Variants in ZKSCAN5 observed in about 807,000 individuals in gnomAD.
ZKSCAN5 encodes the protein zinc finger with KRAB and SCAN domains 5, also known as zinc finger protein with KRAB and SCAN domains 5.
A neutral mutation model predicts 60.0 loss-of-function variants in ZKSCAN5; 28 were observed. The ratio of observed to expected loss-of-function variants is 0.47; its 90% CI spans 0.35 to 0.64. The LOEUF is 0.64. ZKSCAN5 is among the 30% of genes least tolerant of loss of function. The pLI, the probability that ZKSCAN5 is intolerant of heterozygous loss-of-function variation, is 0.01. For missense variants in ZKSCAN5, 881 were observed against 1,034.6 expected (o/e 0.85, Z 2.04); for synonymous variants, 361 against 371.2 (o/e 0.97, Z 0.31).
chr7:99,517,265 C>T (rs7810959), intron 3 of ZKSCAN5, among the ~76,000 whole-genome samples: 6 of 152,156 alleles, frequency 3.9e-5, no homozygotes, highest in South Asian at 2.1e-4. Flanking sequence ...GGTTTCTCCA[C>T]GTTGGTCAGG....
intron 2 of ZKSCAN5, among the ~76,000 whole-genome samples, chr7:99,508,231 G>A (rs552531029): frequency 1.1e-4 from 17 of 151,336 alleles, no homozygotes; most frequent in Middle Eastern, 3.5e-3. Flanking sequence ...CCTGGGAGTC[G>A]GAGGTTGCAG....
intron 3 of ZKSCAN5, among the ~76,000 whole-genome samples, chr7:99,517,857 AAAAG>A (rs757563558): frequency 2.8e-4 from 43 of 152,244 alleles, no homozygotes; most frequent in Non-Finnish European, 5.6e-4. Flanking sequence ...AAAAAAAAAA[AAAAG>A]AAAGTTTACA....
At position 99,532,724 on chromosome 7, in the gene ZKSCAN5, T is replaced by A. The variant is rs1353480553; in HGVS notation, c.*475T>A. 6.4e-6 allele frequency: 1 copy of A among 156,652 alleles called. No individual in the cohort carries two copies. The highest frequency in any genetic ancestry group is 1.4e-5 in the Non-Finnish European group (1 of 70,936). The allele number at this position is 156,652 out of a possible 1,614,324, so 9.7% of individuals were successfully genotyped here. On this transcript the variant is annotated 3_prime_UTR_variant, in exon 7 of 7. Coordinates refer to ENST00000326775, the MANE Select transcript of ZKSCAN5 (RefSeq NM_145102.4). ...TCAGCAATGAACCTTTTCTAGAAAT[T>A]ATTATTCCAACCACTAGAATACCCT...
At chr7:99,515,763 G>A (rs915216039) in intron 3 of ZKSCAN5, among the ~76,000 whole-genome samples, 2 of 150,668 alleles carry the variant, frequency 1.3e-5, no homozygotes, top group African/African-American at 4.9e-5. Flanking sequence ...GAGTCCAGGA[G>A]ATGGAGGTTG....
At position 99,517,319 on chromosome 7, in the gene ZKSCAN5, C is replaced by G. The variant is rs978181118; in HGVS notation, c.554-2508C>G. 9.4e-4 allele frequency among the ~76,000 whole-genome samples: 143 copies of G among 152,200 alleles called. No individual in the cohort carries two copies. The Middle Eastern group carries it at 0.01, about 11-fold the overall frequency. On this transcript the variant is annotated intron_variant, in intron 3 of 6. Transcript: ENST00000326775. ...CCTCGGGTGATCCACCCTCATCAGC[C>G]TCCCAAAGTGCTGGGATTACAGGCG...
At chr7:99,525,007 A>G (rs561458268) in intron 5 of ZKSCAN5, among the ~76,000 whole-genome samples, 10 of 151,974 alleles carry the variant, frequency 6.6e-5, no homozygotes, top group African/African-American at 2.4e-4. Context: ...CTCTGCTAAA[A>G]TTACAAAAAT....
At chr7:99,519,943 C>T (rs1429501889) in intron 4 of ZKSCAN5, 34 bp downstream of exon 4, 5 of 1,604,706 alleles carry the variant, frequency 3.1e-6, no homozygotes, top group Non-Finnish European at 2.6e-6. Context: ...CAGAGAGGAC[C>T]CATCCTGAAC....
intron 2 of ZKSCAN5, among the ~76,000 whole-genome samples, chr7:99,508,767 T>C: frequency 6.7e-6 from 1 of 149,646 alleles, no homozygotes; most frequent in Non-Finnish European, 1.5e-5. Flanking sequence ...AAAAAAAAGA[T>C]ACAATATTTT....
Position 99,519,817 on chromosome 7 carries a change from C to G in ZKSCAN5, c.554-10C>G. 1 of 1,612,788 alleles carries G rather than the reference C, an allele frequency of 6.2e-7. No individual in the cohort carries two copies. The highest frequency in any genetic ancestry group is 8.5e-7 in the Non-Finnish European group (1 of 1,179,432). On this transcript the variant is annotated splice_polypyrimidine_tract_variant and intron_variant, in intron 3 of 6. Coordinates refer to ENST00000326775, the MANE Select transcript of ZKSCAN5 (RefSeq NM_145102.4). The stretch of plus-strand genomic sequence containing the variant: ...TGTTCTCACTTAAACCTCTTTTTCT[C>G]CTCCCTTAGCCCTTCCTGTTCTCCA...
chr7:99,513,388 A>G (rs1405986963), intron 3 of ZKSCAN5, among the ~76,000 whole-genome samples: 1 of 152,048 alleles, frequency 6.6e-6, no homozygotes, highest in Non-Finnish European at 1.5e-5. Context: ...CCTTTCTGTC[A>G]TAGATTGTCT....
chr7:99,506,063 C>G lies in ZKSCAN5; in HGVS notation c.19C>G (p.Arg7Gly). 6.2e-7 allele frequency: 1 copy of G among 1,613,644 alleles called. No individual in the cohort carries two copies. The highest frequency in any genetic ancestry group is 8.5e-7 in the Non-Finnish European group (1 of 1,179,764). The change falls in exon 2 of 7, where the codon CGA becomes GGA. Residue 7 changes from arginine to glycine, a missense_variant. Physicochemically the swap from Arg to Gly is moderately radical, Grantham distance 125 (BLOSUM62 -2). Around this residue, in one of 5 missense-constraint regions of ZKSCAN5, gnomAD observed 88 missense variants for 65.2 expected, o/e 1.35. Coordinates refer to ENST00000326775, the MANE Select transcript of ZKSCAN5 (RefSeq NM_145102.4). MIMTES[R>G]EVIDLDPPAE... ...AGTTGGAATGATAATGACCGAATCC[C>G]GAGAAGTTATAGACTTAGACCCCCC...
chr7:99,531,901 A>G lies in ZKSCAN5; in HGVS notation c.2172A>G (p.Lys724=). Residue 724 remains lysine (K), a synonymous_variant, in exon 7 of 7, where the codon AAA becomes AAG. Coordinates refer to ENST00000326775, the MANE Select transcript of ZKSCAN5 (RefSeq NM_145102.4). ...CTTATCAGTGTGATATCTGTGGAAA[A>G]GCCTTTGGTTATAGCTCAGACCTCA... The part of the protein sequence containing the change: ...EQPYQCDICG[K]AFGYSSDLIQ... The G allele has an allele frequency of 6.2e-7, 1 of 1,614,198 alleles. No individual in the cohort carries two copies. The highest frequency in any genetic ancestry group is 1.3e-5 in the African/African-American group (1 of 75,056).
rs1278766405 is a variant in ZKSCAN5 at position 99,520,233 on chromosome 7, A to G, written c.701A>G (p.His234Arg). 2.5e-6 allele frequency: 4 copies of G among 1,614,050 alleles called. No individual in the cohort carries two copies. The highest frequency in any genetic ancestry group is 1.3e-5 in the African/African-American group (1 of 74,932). ...AVSFILEEWG[H>R]LDQSQKSLYR... Reference sequence around the variant, plus strand: ...TCCTTCATCCTGGAGGAATGGGGGCATTTGGACCAGTCCCAGAAGTCCCTT... The same window carrying G: ...TCCTTCATCCTGGAGGAATGGGGGCGTTTGGACCAGTCCCAGAAGTCCCTT... The change falls in exon 5 of 7, where the codon CAT becomes CGT. Residue 234 changes from histidine to arginine, a missense_variant. This residue lies in a region of ZKSCAN5 where 490 missense variants were observed against 554.5 expected (regional missense o/e 0.88). Coordinates refer to ENST00000326775, the MANE Select transcript of ZKSCAN5 (RefSeq NM_145102.4).
Position 99,520,219 on chromosome 7 carries a change from G to C in ZKSCAN5, c.687G>C (p.Leu229=), listed in dbSNP as rs751925028. The change falls in exon 5 of 7, where the codon CTG becomes CTC. Residue 229 remains leucine (L), a synonymous_variant. Coordinates refer to ENST00000326775, the MANE Select transcript of ZKSCAN5 (RefSeq NM_145102.4). Reference sequence around the variant, plus strand: ...CTGATGTGGCTGTATCCTTCATCCTGGAGGAATGGGGGCATTTGGACCAGT... The same window carrying C: ...CTGATGTGGCTGTATCCTTCATCCTCGAGGAATGGGGGCATTTGGACCAGT... ...EVADVAVSFI[L]EEWGHLDQSQ... is the part of the protein sequence containing the mutation. 3 of 1,614,104 alleles carry C rather than the reference G, an allele frequency of 1.9e-6. No individual in the cohort carries two copies. The highest frequency in any genetic ancestry group is 1.7e-6 in the Non-Finnish European group (2 of 1,180,024).
intron 2 of ZKSCAN5, among the ~76,000 whole-genome samples, chr7:99,508,447 T>C (rs976341563): frequency 6.6e-6 from 1 of 151,714 alleles, no homozygotes. Flanking sequence ...TTGGTCATGA[T>C]TGCCAGTACA....
intron 6 of ZKSCAN5, among the ~76,000 whole-genome samples, chr7:99,526,786 C>A (rs942470134): frequency 6.6e-6 from 1 of 152,178 alleles, no homozygotes; most frequent in Non-Finnish European, 1.5e-5. Flanking sequence ...AACTCCTGAC[C>A]TCAGGCGATC....
intron 6 of ZKSCAN5, among the ~76,000 whole-genome samples, chr7:99,530,095 G>A (rs1391113214): frequency 5.6e-5 from 8 of 143,614 alleles, no homozygotes; most frequent in African/African-American, 7.9e-5. Flanking sequence ...GTGCAATGGC[G>A]CAGTCTCGGC....
rs1470879667 is a variant in ZKSCAN5 at position 99,526,120 on chromosome 7, C to T, written c.1080C>T (p.Asn360=). ...GCAAATTCTTCCTCCAAGCCTCAAA[C>T]TTTATTCAGCATCGGCGCATCCACA... ...DCGKFFLQAS[N]FIQHRRIHTG... The change falls in exon 6 of 7, where the codon AAC becomes AAT. Residue 360 remains asparagine (N), a synonymous_variant. Coordinates refer to ENST00000326775, the MANE Select transcript of ZKSCAN5 (RefSeq NM_145102.4). The T allele has an allele frequency of 1.1e-5, 18 of 1,614,218 alleles. No individual in the cohort carries two copies. The highest frequency in any genetic ancestry group is 1.4e-5 in the Non-Finnish European group (17 of 1,180,054).
At chr7:99,518,275 G>T (rs2151104689) in intron 3 of ZKSCAN5, among the ~76,000 whole-genome samples, 1 of 152,028 alleles carries the variant, frequency 6.6e-6, no homozygotes, top group African/African-American at 2.4e-5. Context: ...ACAAAAATTA[G>T]CCAAGCTTGG....
Sources: gnomAD v4.1 joint callset for allele counts (sites outside exome capture counted in the v4.1 genomes callset) on GRCh38, gnomAD v4.1.1 for gene constraint, gnomAD v4.1.1 regional missense constraint, MANE v1.5 for transcripts, NCBI Gene and HGNC (gene_info 2026-07-23, HGNC 2026-07-21) for gene names.